The following STK32B variants were observed in gnomAD, a reference collection of about 807,000 sequenced individuals.
STK32B encodes serine/threonine-protein kinase 32B.
STK32B carries 43 observed loss-of-function variants against 52.6 expected under a neutral mutation model. The ratio of observed to expected loss-of-function variants is 0.82; its 90% CI spans 0.64 to 1.05. The LOEUF is 1.05. Among genes scored for constraint, STK32B ranks in the 50% least tolerant of loss-of-function variants. STK32B has a pLI of 0.00. For synonymous variants in STK32B, 238 were observed against 204.3 expected (o/e 1.17, Z -1.41); for missense variants, 621 against 534.6 (o/e 1.16, Z -1.59).
Position 5,466,799 on chromosome 4 carries a change from A to G in STK32B, c.1006A>G (p.Arg336Gly). 1 of 1,614,004 alleles carries G rather than the reference A, an allele frequency of 6.2e-7. No individual in the cohort carries two copies. The highest frequency in any genetic ancestry group is 8.5e-7 in the Non-Finnish European group (1 of 1,179,936). Residue 336 changes from arginine to glycine, a missense_variant, in exon 10 of 12, where the codon AGA (arginine) becomes GGA (glycine). Transcript: ENST00000282908. Reference protein sequence around the residue: ...HKKKKRLAKNRSRDGTKDSCP... With the variant: ...HKKKKRLAKNGSRDGTKDSCP... ...AAAGAAGAAGCGATTGGCAAAGAAC[A>G]GATCCAGGGATGGCACAAAGGACAG... is the stretch of plus-strand genomic sequence containing the variant.
intron 1 of STK32B, among the ~76,000 whole-genome samples, chr4:5,139,315 A>G (rs1404553455): frequency 6.6e-6 from 1 of 152,192 alleles, no homozygotes; most frequent in African/African-American, 2.4e-5. Flanking sequence ...TGGAACCTCC[A>G]TGAGGACCTG....
Position 5,407,365 on chromosome 4 carries a change from G to A in STK32B, c.472+9121G>A, listed in dbSNP as rs568271350. On this transcript the variant is annotated intron_variant, in intron 5 of 11. Coordinates refer to ENST00000282908, the MANE Select transcript of STK32B (RefSeq NM_018401.3). ...CTTCCTGTCTTCATCTGAGCCCTCC[G>A]CACTCTTCCAACCTCTGCCAGTTAC... Among the ~76,000 whole-genome samples, 8 of 152,036 alleles carry A rather than the reference G, an allele frequency of 5.3e-5. No homozygotes were observed. The South Asian group carries it at 6.2e-4, about 12-fold the overall frequency.
At chr4:5,456,220 C>T (rs910332749) in intron 7 of STK32B, among the ~76,000 whole-genome samples, 1 of 152,208 alleles carries the variant, frequency 6.6e-6, no homozygotes, top group Non-Finnish European at 1.5e-5. Context: ...CATTTTCTAC[C>T]AAGTTCAGAA....
chr4:5,364,064 A>G (rs1175318063), intron 4 of STK32B, among the ~76,000 whole-genome samples: 1 of 151,804 alleles, frequency 6.6e-6, no homozygotes, highest in Non-Finnish European at 1.5e-5. Flanking sequence ...AAACCATATC[A>G]CTTTGCTTCT....
At chr4:5,151,702 T>G (rs1717380684) in intron 2 of STK32B, among the ~76,000 whole-genome samples, 1 of 152,166 alleles carries the variant, frequency 6.6e-6, no homozygotes, top group Non-Finnish European at 1.5e-5. Flanking sequence ...ACAATTTAGA[T>G]TTTGGAGTCA....
At chr4:5,213,131 C>G (rs899485402) in intron 3 of STK32B, among the ~76,000 whole-genome samples, 1 of 152,186 alleles carries the variant, frequency 6.6e-6, no homozygotes, top group Admixed American at 6.5e-5. Flanking sequence ...TTGCTTTTCA[C>G]TGTGATTTAA....
intron 6 of STK32B, among the ~76,000 whole-genome samples, chr4:5,420,883 A>G (rs1195225754): frequency 1.3e-5 from 2 of 151,908 alleles, no homozygotes; most frequent in Non-Finnish European, 1.5e-5. Flanking sequence ...GAAGTTCGAG[A>G]CAGTTTTTTT....
intron 4 of STK32B, among the ~76,000 whole-genome samples, chr4:5,352,209 C>G (rs183942893): frequency 6.6e-6 from 1 of 152,034 alleles, no homozygotes; most frequent in Non-Finnish European, 1.5e-5. Flanking sequence ...AAAATACTTG[C>G]AAACCAAATC....
chr4:5,062,269 T>G (rs1392047256), intron 1 of STK32B, among the ~76,000 whole-genome samples: 2 of 152,160 alleles, frequency 1.3e-5, no homozygotes, highest in Non-Finnish European at 1.5e-5. Flanking sequence ...TACATCTAAC[T>G]TGTCATTTTA....
rs183766349 is a variant in STK32B at position 5,214,491 on chromosome 4, A to G, written c.260+46041A>G. On this transcript the variant is annotated intron_variant, in intron 3 of 11. Transcript: ENST00000282908. ...ATAGACAACTCACTATTCCAGCATG[A>G]TTTATTGTAGACATTCATGGTCCCC... 7.9e-5 allele frequency among the ~76,000 whole-genome samples: 12 copies of G among 152,264 alleles called. No individual in the cohort carries two copies. The East Asian group carries it at 2.1e-3, about 27-fold the overall frequency.
chr4:5,224,403 C>T (rs1723735045), intron 3 of STK32B, among the ~76,000 whole-genome samples: 2 of 152,162 alleles, frequency 1.3e-5, no homozygotes, highest in African/African-American at 2.4e-5. Flanking sequence ...TTGTTTGATG[C>T]ATAAAAAGCT....
intron 1 of STK32B, among the ~76,000 whole-genome samples, chr4:5,066,378 G>GGCCTCCCTGTCTT (rs1465252199): frequency 1.3e-5 from 2 of 152,102 alleles, no homozygotes; most frequent in African/African-American, 4.8e-5. Context: ...CTTCCTGACT[G>GGCCTCCCTGTCTT]GCCTCCCTGT....
At chr4:5,140,729 T>G (rs1422089081) in intron 2 of STK32B, among the ~76,000 whole-genome samples, 1 of 152,252 alleles carries the variant, frequency 6.6e-6, no homozygotes, top group South Asian at 2.1e-4. Flanking sequence ...GCATGTGACT[T>G]AAGAAGTTGG....
intron 11 of STK32B, among the ~76,000 whole-genome samples, chr4:5,480,271 A>G (rs1718584211): frequency 1.3e-5 from 2 of 152,224 alleles, no homozygotes; most frequent in Admixed American, 1.3e-4. Context: ...TCTGAGCCAA[A>G]TATGAGTGAC....
intron 3 of STK32B, among the ~76,000 whole-genome samples, chr4:5,195,195 C>G (rs184161101): frequency 6.6e-6 from 1 of 152,244 alleles, no homozygotes; most frequent in Admixed American, 6.5e-5. Flanking sequence ...CGGCCTCAGA[C>G]TATATTTTCT....
intron 3 of STK32B, among the ~76,000 whole-genome samples, chr4:5,201,005 C>A (rs948353529): frequency 2.6e-5 from 4 of 152,140 alleles, no homozygotes; most frequent in Admixed American, 1.3e-4. Context: ...TCTCAGAACC[C>A]TGTAAATGAA....
Position 5,322,663 on chromosome 4 carries a change from G to C in STK32B, c.261-8557G>C, listed in dbSNP as rs537169093. 2.0e-5 allele frequency among the ~76,000 whole-genome samples: 3 copies of C among 152,280 alleles called. No homozygotes were observed. The East Asian group carries it at 5.8e-4, about 29-fold the overall frequency. Reference sequence around the variant, plus strand: ...TGCCTGGAGACTAAGAAAGGTCTAGGGTTTCCTCCAGACTCTTCCTTTCCC... The same window carrying C: ...TGCCTGGAGACTAAGAAAGGTCTAGCGTTTCCTCCAGACTCTTCCTTTCCC... On this transcript the variant is annotated intron_variant, in intron 3 of 11. Transcript: ENST00000282908.
intron 4 of STK32B, among the ~76,000 whole-genome samples, chr4:5,340,508 C>A (rs554269390): frequency 1.3e-5 from 2 of 152,132 alleles, no homozygotes; most frequent in Non-Finnish European, 2.9e-5. Context: ...CCTAACAGAC[C>A]CTGCTTTTCT....
chr4:5,322,294 T>C (rs1731556663), intron 3 of STK32B, among the ~76,000 whole-genome samples: 2 of 152,206 alleles, frequency 1.3e-5, no homozygotes, highest in Non-Finnish European at 1.5e-5. Flanking sequence ...GCTCCATTGT[T>C]GGATTTCTGT....
Sources: gnomAD v4.1 joint callset for allele counts (sites outside exome capture counted in the v4.1 genomes callset) on GRCh38, gnomAD v4.1.1 for gene constraint, MANE v1.5 for transcripts, NCBI Gene and HGNC (gene_info 2026-07-23, HGNC 2026-07-21) for gene names.